Variants in MICAL3 observed in about 807,000 individuals in gnomAD.
MICAL3 encodes the protein [F-actin]-monooxygenase MICAL3.
A neutral mutation model predicts 207.4 loss-of-function variants in MICAL3; 62 were observed. The ratio of observed to expected loss-of-function variants is 0.30; its 90% CI spans 0.24 to 0.37. The LOEUF is 0.37. Among genes scored for constraint, MICAL3 ranks in the 10% least tolerant of loss-of-function variants. The pLI is 1.00. For missense variants in MICAL3, 2,368 were observed against 2,635.6 expected (o/e 0.90, Z 2.22); for synonymous variants, 1,077 against 1,069.3 (o/e 1.01, Z -0.14).
chr22:17,984,262 C>A (rs1936054130), intron 1 of MICAL3, among the ~76,000 whole-genome samples: 1 of 152,218 alleles, frequency 6.6e-6, no homozygotes, highest in East Asian at 1.9e-4. Flanking sequence ...TGACTCACTT[C>A]TTCCAGGGGT....
intron 21 of MICAL3, among the ~76,000 whole-genome samples, chr22:17,830,613 G>A (rs572147088): frequency 3.3e-5 from 5 of 152,348 alleles, no homozygotes; most frequent in East Asian, 1.9e-4. Context: ...AGGCCACGCC[G>A]GCACCTGGCT....
intron 1 of MICAL3, among the ~76,000 whole-genome samples, chr22:18,018,822 A>C (rs1045973855): frequency 9.8e-5 from 15 of 152,314 alleles, no homozygotes; most frequent in African/African-American, 3.6e-4. Flanking sequence ...TACAAAACTG[A>C]AACACAAATC....
intron 22 of MICAL3, 68 bp downstream of exon 22, chr22:17,827,574 CCT>C: frequency 6.8e-7 from 1 of 1,476,604 alleles, no homozygotes; most frequent in South Asian, 1.3e-5. Context: ...AGAAAGGCCC[CCT>C]GTGGCGACAG....
In MICAL3 at chr22:17,793,533, T is replaced by C. The variant is rs1320657386; in HGVS notation, c.5651-2232A>G. Among the ~76,000 whole-genome samples, 2 of 152,234 alleles carry C rather than the reference T, an allele frequency of 1.3e-5. No homozygotes were observed. Among genetic ancestry groups the C allele is most frequent in the African/African-American group, 2.4e-5 (1 of 41,466 alleles). On this transcript the variant is annotated intron_variant, in intron 29 of 31. Coordinates refer to ENST00000441493, the MANE Select transcript of MICAL3 (RefSeq NM_015241.3). The surrounding 1 kb of genome is among the most constrained non-coding windows in gnomAD (Gnocchi z 4.1). ...GGCTCTCTGGCTTTACTCTGCACCCTGGTCCTCCCCATAGACAGTCAAAGG... is the reference window on the plus strand; with the variant it reads ...GGCTCTCTGGCTTTACTCTGCACCCCGGTCCTCCCCATAGACAGTCAAAGG...
At chr22:17,974,490 T>C (rs984717320) in intron 1 of MICAL3, among the ~76,000 whole-genome samples, 17 of 152,266 alleles carry the variant, frequency 1.1e-4, no homozygotes, top group African/African-American at 2.2e-4. Context: ...AGGAGGAGAA[T>C]TGCTTGAACC....
chr22:17,921,465 T>C (rs1450256489), intron 1 of MICAL3, among the ~76,000 whole-genome samples: 2 of 152,194 alleles, frequency 1.3e-5, no homozygotes, highest in African/African-American at 4.8e-5. Flanking sequence ...TGACACTAGC[T>C]TGGACTAGCA....
chr22:17,876,715 A>C (rs1184283795), intron 16 of MICAL3: 1 of 150,390 alleles, frequency 6.6e-6, no homozygotes, highest in Non-Finnish European at 1.5e-5. Context: ...GAGGTTAGGG[A>C]GGTTATGGAG....
At chr22:17,936,743 GA>G (rs1933550092) in intron 1 of MICAL3, among the ~76,000 whole-genome samples, 2 of 152,082 alleles carry the variant, frequency 1.3e-5, no homozygotes, top group African/African-American at 4.8e-5. Flanking sequence ...CTCTAGAATT[GA>G]AAGTCATTAT....
At chr22:17,945,023 TTTC>T (rs1933994591) in intron 1 of MICAL3, among the ~76,000 whole-genome samples, 1 of 151,376 alleles carries the variant, frequency 6.6e-6, no homozygotes, top group African/African-American at 2.4e-5. Context: ...TTTTTTTTTT[TTTC>T]AACAGTATGA....
At chr22:17,863,639 G>A in intron 19 of MICAL3, 1 of 985,486 alleles carries the variant, frequency 1.0e-6, no homozygotes, top group Non-Finnish European at 1.2e-6. Context: ...ACGTGCAGTA[G>A]CAGAAGCTGC....
chr22:17,886,153 G>C (rs1318519927), intron 15 of MICAL3, 102 bp from the exon 16 acceptor site: 17 of 1,278,156 alleles, frequency 1.3e-5, no homozygotes, highest in Non-Finnish European at 1.9e-5. Flanking sequence ...GGGGGCTGGT[G>C]GACTGGCTCA....
chr22:17,812,886 T>A (rs1366812286), intron 27 of MICAL3: 1 of 152,080 alleles, frequency 6.6e-6, no homozygotes, highest in African/African-American at 2.4e-5. Context: ...GTTAAAGCCG[T>A]TAAAATATGT....
chr22:17,888,864 G>A (rs770877661), intron 13 of MICAL3, among the ~76,000 whole-genome samples, 170 bp downstream of exon 13: 10 of 152,172 alleles, frequency 6.6e-5, no homozygotes, highest in Non-Finnish European at 1.3e-4. Context: ...ACTAGAGAAG[G>A]GAGAAACAAT....
intron 1 of MICAL3, among the ~76,000 whole-genome samples, chr22:17,978,559 G>C (rs1935759876): frequency 6.6e-6 from 1 of 151,468 alleles, no homozygotes; most frequent in African/African-American, 2.4e-5. Context: ...TGTCACCCAG[G>C]CTGAAGTGCA....
chr22:17,902,614 C>T lies in MICAL3; in HGVS notation c.589+17G>A. 1 of 1,473,998 alleles carries T rather than the reference C, an allele frequency of 6.8e-7. No homozygotes were observed. The allele number at this position is 1,473,998 out of a possible 1,614,324, so 91.3% of individuals were successfully genotyped here. ...AACACCCTCTCACGCCTTCTTCACT[C>T]CTCCAGTATAACTTACGTTCATTCT... is the stretch of plus-strand genomic sequence containing the variant. On this transcript the variant is annotated intron_variant, in intron 4 of 31. Coordinates refer to ENST00000441493, the MANE Select transcript of MICAL3 (RefSeq NM_015241.3). The surrounding 1 kb of genome is among the most constrained non-coding windows in gnomAD (Gnocchi z 4.5).
Position 17,895,237 on chromosome 22 carries a change from G to A in MICAL3, c.1449+47C>T, listed in dbSNP as rs187508705. The A allele has an allele frequency of 1.2e-5, 20 of 1,600,274 alleles. 1 individual carries two copies. The East Asian group carries it at 3.1e-4, about 25-fold the overall frequency. Reference sequence around the variant, plus strand: ...ATCTCAACAGATCAGAATTCTCATTGGTCCTGCAGATGGGCCCAGATGTAA... The same window carrying A: ...ATCTCAACAGATCAGAATTCTCATTAGTCCTGCAGATGGGCCCAGATGTAA... On this transcript the variant is annotated intron_variant, in intron 10 of 31. Transcript: ENST00000441493.
chr22:18,012,733 T>C (rs529378245), intron 1 of MICAL3, among the ~76,000 whole-genome samples: 6 of 152,334 alleles, frequency 3.9e-5, no homozygotes, highest in African/African-American at 1.4e-4. Flanking sequence ...TTTCTAGATG[T>C]ACTGTTACAT....
chr22:17,830,967 G>A (rs544998274), intron 21 of MICAL3, among the ~76,000 whole-genome samples: 29 of 152,310 alleles, frequency 1.9e-4, no homozygotes, highest in Non-Finnish European at 3.7e-4. Context: ...ACAGACCCCC[G>A]GATGGGACTG....
At chr22:17,875,923 G>A (rs530612617) in intron 16 of MICAL3, among the ~76,000 whole-genome samples, 1 of 152,126 alleles carries the variant, frequency 6.6e-6, no homozygotes, top group Non-Finnish European at 1.5e-5. Context: ...AGCAACCCCC[G>A]GCCTGAGCTG....
Sources: allele counts gnomAD v4.1 joint callset (sites outside exome capture counted in the v4.1 genomes callset), GRCh38; gene constraint gnomAD v4.1.1; non-coding constraint Gnocchi (gnomAD v3.1); transcripts MANE v1.5; gene names NCBI Gene and HGNC (gene_info 2026-07-23, HGNC 2026-07-21).